SLC45A4: variants seen among roughly 807,000 people sequenced by gnomAD.
The protein encoded by SLC45A4 is polyamine-transporter SLC45A4.
SLC45A4 carries 32 observed loss-of-function variants against 63.7 expected under a neutral mutation model. That is an observed-to-expected ratio of 0.50 (90% CI 0.38 to 0.67). SLC45A4 has a LOEUF of 0.67. Among genes scored for constraint, SLC45A4 ranks in the 30% least tolerant of loss-of-function variants. SLC45A4 has a pLI of 0.00. For missense variants in SLC45A4, 1,027 were observed against 1,157.7 expected (o/e 0.89, Z 1.64); for synonymous variants, 535 against 510.0 (o/e 1.05, Z -0.66).
At position 141,263,023 on chromosome 8, in the gene SLC45A4, A is replaced by G. The variant is rs911113138; in HGVS notation, c.-400-8394T>C. 1.7e-3 allele frequency among the ~76,000 whole-genome samples: 258 copies of G among 152,036 alleles called. 3 individuals carry two copies. Among genetic ancestry groups the G allele is most frequent in the Non-Finnish European group, 1.5e-3 (101 of 67,972 alleles). Reference sequence around the variant, plus strand: ...ATGTGGCACATATACACCATGGAATACTATGCAGCCATAAAAAATGATGAG... The same window carrying G: ...ATGTGGCACATATACACCATGGAATGCTATGCAGCCATAAAAAATGATGAG... On this transcript the variant is annotated intron_variant, in intron 1 of 8. Transcript: ENST00000517878.
chr8:141,215,417 T>A lies in SLC45A4; in HGVS notation c.1941+342A>T, dbSNP rs1351402114. Among the ~76,000 whole-genome samples, 1 of 152,120 alleles carries A rather than the reference T, an allele frequency of 6.6e-6. No individual in the cohort carries two copies. The highest frequency in any genetic ancestry group is 1.5e-5 in the Non-Finnish European group (1 of 68,024). Reference sequence around the variant, plus strand: ...TCTAGGCATACCTGGGTGGCTTTCCTCCCATCCAAGTGGAAAACACGGGGC... The same window carrying A: ...TCTAGGCATACCTGGGTGGCTTTCCACCCATCCAAGTGGAAAACACGGGGC... On this transcript the variant is annotated intron_variant, in intron 7 of 8. Coordinates refer to ENST00000517878, the MANE Select transcript of SLC45A4 (RefSeq NM_001286646.2). The surrounding 1 kb of genome is among the most constrained non-coding windows in gnomAD (Gnocchi z 4.3).
chr8:141,267,339 G>A (rs1166420937), intron 1 of SLC45A4, among the ~76,000 whole-genome samples: 3 of 152,270 alleles, frequency 2.0e-5, no homozygotes, highest in African/African-American at 7.2e-5. Context: ...TCCTGCACTG[G>A]AGTGGAGACG....
chr8:141,269,706 T>G (rs1014199132), intron 1 of SLC45A4, among the ~76,000 whole-genome samples: 2 of 144,140 alleles, frequency 1.4e-5, no homozygotes, highest in African/African-American at 5.9e-5. Flanking sequence ...TGTGTCTGTG[T>G]GTGTCTGTCT....
At chr8:141,272,456 G>T (rs990918262) in intron 1 of SLC45A4, among the ~76,000 whole-genome samples, 16 of 152,170 alleles carry the variant, frequency 1.1e-4, no homozygotes, top group Non-Finnish European at 1.5e-5. Flanking sequence ...ACCACGGGAG[G>T]GTCGTGACTG....
intron 1 of SLC45A4, among the ~76,000 whole-genome samples, chr8:141,305,319 A>G (rs1435636736): frequency 6.6e-6 from 1 of 151,932 alleles, no homozygotes; most frequent in Non-Finnish European, 1.5e-5. Flanking sequence ...GGGTCCTCTC[A>G]CCCCTTCCTT....
chr8:141,227,987 T>G lies in SLC45A4; in HGVS notation c.242-6222A>C, dbSNP rs1819660018. 6.6e-6 allele frequency among the ~76,000 whole-genome samples: 1 copy of G among 151,954 alleles called. No individual in the cohort carries two copies. The highest frequency in any genetic ancestry group is 2.4e-5 in the African/African-American group (1 of 41,368). On this transcript the variant is annotated intron_variant, in intron 2 of 8. Coordinates refer to ENST00000517878, the MANE Select transcript of SLC45A4 (RefSeq NM_001286646.2). The surrounding 1 kb of genome is among the most constrained non-coding windows in gnomAD (Gnocchi z 4.4). ...GACAATAAGTTCCCGGGCTTTGGCC[T>G]TTTGTAGGAGAGGAGGAATTGAAAC...
At chr8:141,268,020 G>C (rs1829349212) in intron 1 of SLC45A4, among the ~76,000 whole-genome samples, 1 of 152,226 alleles carries the variant, frequency 6.6e-6, no homozygotes, top group African/African-American at 2.4e-5. Flanking sequence ...TCAGATGTGA[G>C]AGCCGCTTTA....
chr8:141,254,777 T>C lies in SLC45A4; in HGVS notation c.-400-148A>G. ...CTCTCTGCCACTCACTCTGGGTACGTCTGTGCAAATAACCAAACCTACTTT... is the reference window on the plus strand; with the variant it reads ...CTCTCTGCCACTCACTCTGGGTACGCCTGTGCAAATAACCAAACCTACTTT... On this transcript the variant is annotated intron_variant, in intron 1 of 8. Coordinates refer to ENST00000517878, the MANE Select transcript of SLC45A4 (RefSeq NM_001286646.2). This position sits in a 1 kb window ranked among gnomAD's most constrained non-coding sequence, Gnocchi z 4.5. The C allele has an allele frequency of 1.5e-6, 1 of 649,406 alleles. No homozygotes were observed. The highest frequency in any genetic ancestry group is 1.8e-5 in the African/African-American group (1 of 56,186). The allele number at this position is 649,406 out of a possible 1,614,324, so 40.2% of individuals were successfully genotyped here.
chr8:141,218,332 G>C lies in SLC45A4; in HGVS notation c.1308C>G (p.His436Gln). ...CGTTGGCGCGCCGGTAGCGGTAGCA[G>C]TGGGACCCAAGCTTGCCGTAGTAGG... ...TFSYYGKLGSHCYRYRRANAV... is the reference protein window; with the variant it reads ...TFSYYGKLGSQCYRYRRANAV... The change falls in exon 5 of 9, where the codon CAC becomes CAG. Residue 436 changes from histidine (H) to glutamine (Q), a missense_variant. Transcript: ENST00000517878. 6.2e-7 allele frequency: 1 copy of C among 1,608,042 alleles called. No homozygotes were observed. Among genetic ancestry groups the C allele is most frequent in the South Asian group, 1.1e-5 (1 of 91,082 alleles).
Position 141,229,744 on chromosome 8 carries a change from A to G in SLC45A4, c.242-7979T>C, listed in dbSNP as rs556673525. 6.6e-6 allele frequency among the ~76,000 whole-genome samples: 1 copy of G among 152,172 alleles called. No individual in the cohort carries two copies. The highest frequency in any genetic ancestry group is 1.9e-4 in the East Asian group (1 of 5,160). ...CTACCTGCACCTCCCTCACAGCCAA[A>G]GCCTGGCCAACAGCAGGGGCCACAA... On this transcript the variant is annotated intron_variant, in intron 2 of 8. Coordinates refer to ENST00000517878, the MANE Select transcript of SLC45A4 (RefSeq NM_001286646.2). This position sits in a 1 kb window ranked among gnomAD's most constrained non-coding sequence, Gnocchi z 5.0.
intron 1 of SLC45A4, among the ~76,000 whole-genome samples, chr8:141,298,840 G>T (rs190499853): frequency 2.0e-5 from 3 of 152,000 alleles, no homozygotes; most frequent in African/African-American, 7.2e-5. Flanking sequence ...CCTCAAAGTC[G>T]AATCCAAGGC....
chr8:141,214,192 C>CAA (rs11292288), intron 7 of SLC45A4, among the ~76,000 whole-genome samples: 51 of 74,328 alleles, frequency 6.9e-4, no homozygotes, highest in African/African-American at 2.1e-3. Context: ...ACTCTGTCTC[C>CAA]AAAAAAAAAA....
At chr8:141,287,577 C>T (rs1299601674) in intron 1 of SLC45A4, among the ~76,000 whole-genome samples, 1 of 152,222 alleles carries the variant, frequency 6.6e-6, no homozygotes, top group African/African-American at 2.4e-5. Flanking sequence ...TGAGTACTGT[C>T]TTTTCTGTGA....
chr8:141,245,898 G>A (rs1828166005), intron 2 of SLC45A4, among the ~76,000 whole-genome samples: 1 of 152,132 alleles, frequency 6.6e-6, no homozygotes, highest in Non-Finnish European at 1.5e-5. Flanking sequence ...TCACACACAC[G>A]GGCATTAGCT....
intron 2 of SLC45A4, among the ~76,000 whole-genome samples, chr8:141,237,743 T>C (rs1449876036): frequency 6.6e-6 from 1 of 152,034 alleles, no homozygotes; most frequent in Non-Finnish European, 1.5e-5. Context: ...TCAGCACGCT[T>C]CTCACCTCAC....
chr8:141,260,642 C>T (rs1829005329), intron 1 of SLC45A4, among the ~76,000 whole-genome samples: 1 of 152,114 alleles, frequency 6.6e-6, no homozygotes, highest in Non-Finnish European at 1.5e-5. Flanking sequence ...GGATAAATTC[C>T]TCGACACATA....
In SLC45A4 at chr8:141,209,600, C is replaced by A. The variant is rs1313401483; in HGVS notation, c.*1972G>T. On this transcript the variant is annotated 3_prime_UTR_variant, in exon 9 of 9. Transcript: ENST00000517878. ...CTAAGAAGGGCTTTGCTTGCAAACA[C>A]CTGAAGTGCTGACAGCTTGACGAGT... 6.6e-6 allele frequency: 1 copy of A among 152,318 alleles called. No homozygotes were observed. Among genetic ancestry groups the A allele is most frequent in the Non-Finnish European group, 1.5e-5 (1 of 68,122 alleles). The allele number at this position is 152,318 out of a possible 1,614,324, so 9.4% of individuals were successfully genotyped here. A position where few individuals can be genotyped will look rare whatever the true frequency, so the allele number is the denominator to read the frequency against.
chr8:141,274,373 A>G (rs1210782758), intron 1 of SLC45A4, among the ~76,000 whole-genome samples: 1 of 152,012 alleles, frequency 6.6e-6, no homozygotes, highest in East Asian at 1.9e-4. Context: ...GTCTCTGTTA[A>G]AAATACAAAA....
intron 1 of SLC45A4, among the ~76,000 whole-genome samples, chr8:141,274,104 C>T (rs955964056): frequency 4.6e-5 from 7 of 152,118 alleles, no homozygotes; most frequent in African/African-American, 1.7e-4. Flanking sequence ...TGGCAGGCGC[C>T]GATAGTCCCA....
Sources: allele counts gnomAD v4.1 joint callset (sites outside exome capture counted in the v4.1 genomes callset), GRCh38; gene constraint gnomAD v4.1.1; non-coding constraint Gnocchi (gnomAD v3.1); transcripts MANE v1.5; gene names NCBI Gene and HGNC (gene_info 2026-07-23, HGNC 2026-07-21).